Variants in SPRYD7 observed in about 807,000 individuals in gnomAD.
SPRYD7 encodes SPRY domain-containing protein 7.
SPRYD7 carries 14 observed loss-of-function variants against 23.8 expected under a neutral mutation model. The ratio of observed to expected loss-of-function variants is 0.59; its 90% CI spans 0.39 to 0.92. SPRYD7 has a LOEUF of 0.92. Among genes scored for constraint, SPRYD7 ranks in the 40% least tolerant of loss-of-function variants. SPRYD7 has a pLI of 0.00. For missense variants in SPRYD7, 194 were observed against 241.7 expected (o/e 0.80, Z 1.31); for synonymous variants, 75 against 84.9 (o/e 0.88, Z 0.64).
chr13:49,925,844 A>G (rs1386264806), intron 3 of SPRYD7, among the ~76,000 whole-genome samples: 2 of 151,802 alleles, frequency 1.3e-5, no homozygotes, highest in African/African-American at 2.4e-5. Flanking sequence ...GAAAGTGAGC[A>G]TAAACTGTTT....
At chr13:49,935,987 A>C in intron 1 of SPRYD7, 143 bp downstream of exon 1, 1 of 496,292 alleles carries the variant, frequency 2.0e-6, no homozygotes. Flanking sequence ...CGGCTTCTGG[A>C]GAGATCTGCG....
intron 4 of SPRYD7, among the ~76,000 whole-genome samples, chr13:49,919,855 AT>A: frequency 6.6e-6 from 1 of 151,908 alleles, no homozygotes; most frequent in South Asian, 2.1e-4. Context: ...CAAATAAAAC[AT>A]TTATGAATAA....
chr13:49,934,572 A>AG (rs542716882), intron 1 of SPRYD7, among the ~76,000 whole-genome samples: 3,711 of 149,718 alleles, frequency 0.025, 86 homozygotes, highest in South Asian at 0.064. Context: ...AAAAAAAAAA[A>AG]AAAAAGAAAA....
chr13:49,918,403 C>CTTTTTTTTTTTTTTT (rs11436488), intron 4 of SPRYD7, among the ~76,000 whole-genome samples: 1 of 143,048 alleles, frequency 7.0e-6, no homozygotes, highest in African/African-American at 2.6e-5. Context: ...TAAATTAGTT[C>CTTTTTTTTTTTTTTT]TTTTTTTTTT....
At position 49,914,906 on chromosome 13, in the gene SPRYD7, C is replaced by T; in HGVS notation, c.*157G>A. ...ACAAAACATAAAGTATTTTAAATCA[C>T]AACTTCAGGGTGGTATACTGAATAC... On this transcript the variant is annotated 3_prime_UTR_variant, in exon 5 of 5. Coordinates refer to ENST00000361840, the MANE Select transcript of SPRYD7 (RefSeq NM_020456.4). 1 of 382,536 alleles carries T rather than the reference C, an allele frequency of 2.6e-6. No homozygotes were observed. Among genetic ancestry groups the T allele is most frequent in the Non-Finnish European group, 4.8e-6 (1 of 207,182 alleles). The allele number at this position is 382,536 out of a possible 1,614,324, so 23.7% of individuals were successfully genotyped here. A position where few individuals can be genotyped will look rare whatever the true frequency, so the allele number is the denominator to read the frequency against.
At chr13:49,934,376 G>T (rs1290389877) in intron 1 of SPRYD7, among the ~76,000 whole-genome samples, 1 of 151,870 alleles carries the variant, frequency 6.6e-6, no homozygotes, top group African/African-American at 2.4e-5. Context: ...CCAACATGGT[G>T]AAACTCTGTC....
At chr13:49,934,247 T>C (rs1383573193) in intron 1 of SPRYD7, among the ~76,000 whole-genome samples, 1 of 152,158 alleles carries the variant, frequency 6.6e-6, no homozygotes. Flanking sequence ...TTTAAGTTTA[T>C]AGAAAGACAG....
At position 49,933,833 on chromosome 13, in the gene SPRYD7, C is replaced by T. The variant is rs80222579; in HGVS notation, c.106+2297G>A. ...TAAGAAACATAAATTTCCAAATGAG[C>T]GGTGTCCCTTTCAAAGTAGCTGCCT... On this transcript the variant is annotated intron_variant, in intron 1 of 4. Coordinates refer to ENST00000361840, the MANE Select transcript of SPRYD7 (RefSeq NM_020456.4). Among the ~76,000 whole-genome samples, 9 of 151,952 alleles carry T rather than the reference C, an allele frequency of 5.9e-5. No individual in the cohort carries two copies. The East Asian group carries it at 7.8e-4, about 13-fold the overall frequency.
At chr13:49,934,888 C>T (rs1010267624) in intron 1 of SPRYD7, among the ~76,000 whole-genome samples, 5 of 152,128 alleles carry the variant, frequency 3.3e-5, no homozygotes, top group Admixed American at 3.3e-4. Context: ...ATGCCTGCCA[C>T]CTGATAATTG....
At chr13:49,920,876 G>A (rs553381654) in intron 4 of SPRYD7, among the ~76,000 whole-genome samples, 12 of 152,196 alleles carry the variant, frequency 7.9e-5, no homozygotes, top group East Asian at 3.9e-4. Flanking sequence ...CAGGAGAATC[G>A]CTTGAACCCA....
chr13:49,930,343 A>G (rs1955933391), intron 2 of SPRYD7, among the ~76,000 whole-genome samples: 1 of 151,504 alleles, frequency 6.6e-6, no homozygotes, highest in South Asian at 2.1e-4. Flanking sequence ...ACACTTTGGG[A>G]GGCCGACGAG....
rs1053106690 is a variant in SPRYD7, at chr13:49,926,984, G to T, written c.390+935C>A. On this transcript the variant is annotated intron_variant, in intron 3 of 4. Coordinates refer to ENST00000361840, the MANE Select transcript of SPRYD7 (RefSeq NM_020456.4). ...ATTTTCAATGTGCTAGCTTTGTAAA[G>T]AGTTAAATATAGCCAGTTAGGAGTA... 7.9e-5 allele frequency among the ~76,000 whole-genome samples: 12 copies of T among 152,234 alleles called. No individual in the cohort carries two copies. In the South Asian group the frequency reaches 1.9e-3, roughly 24 times the overall value.
chr13:49,935,059 G>A (rs1482330326), intron 1 of SPRYD7, among the ~76,000 whole-genome samples: 1 of 152,132 alleles, frequency 6.6e-6, no homozygotes, highest in Non-Finnish European at 1.5e-5. Context: ...GGAGATCTGA[G>A]AATTAAAAGT....
chr13:49,917,215 T>C (rs1426223679), intron 4 of SPRYD7, among the ~76,000 whole-genome samples: 2 of 152,182 alleles, frequency 1.3e-5, no homozygotes, highest in African/African-American at 4.8e-5. Context: ...GCTATTCTCT[T>C]GCCTCAGCCT....
intron 2 of SPRYD7, among the ~76,000 whole-genome samples, chr13:49,929,283 C>G (rs1955919656): frequency 6.6e-6 from 1 of 152,130 alleles, no homozygotes; most frequent in Non-Finnish European, 1.5e-5. Context: ...GCACTCCAGC[C>G]TGGGTGACAG....
intron 1 of SPRYD7, 34 bp downstream of exon 1, chr13:49,936,096 G>A: frequency 1.3e-6 from 2 of 1,507,286 alleles, no homozygotes; most frequent in South Asian, 1.2e-5. Flanking sequence ...CGGCCCCCGT[G>A]AGCCGTTGGG....
rs969153860 is a variant in SPRYD7 at position 49,930,956 on chromosome 13, C to A, written c.223+62G>T. On this transcript the variant is annotated intron_variant, in intron 2 of 4. Coordinates refer to ENST00000361840, the MANE Select transcript of SPRYD7 (RefSeq NM_020456.4). Reference sequence around the variant, plus strand: ...CCTTCTGAATCTTTTTTATGTGTTACAAATTACTCTTAATATTTAGAACAA... The same window carrying A: ...CCTTCTGAATCTTTTTTATGTGTTAAAAATTACTCTTAATATTTAGAACAA... The A allele has an allele frequency of 5.7e-6, 6 of 1,045,696 alleles. No individual in the cohort carries two copies. The African/African-American group carries it at 6.6e-5, about 11-fold the overall frequency. 64.8% of individuals were successfully genotyped at this position (1,045,696 alleles called of 1,614,324 possible).
intron 4 of SPRYD7, among the ~76,000 whole-genome samples, chr13:49,920,933 C>T (rs944113583): frequency 6.6e-6 from 1 of 152,012 alleles, no homozygotes; most frequent in African/African-American, 2.4e-5. Context: ...TGCACTCCAG[C>T]CTGGGTGACA....
chr13:49,921,293 T>C (rs1257290804), intron 4 of SPRYD7, among the ~76,000 whole-genome samples, 185 bp downstream of exon 4: 1 of 152,172 alleles, frequency 6.6e-6, no homozygotes, highest in Non-Finnish European at 1.5e-5. Context: ...TGCTTCCCCT[T>C]CCGCCATGAT....
Sources: allele counts gnomAD v4.1 joint callset (sites outside exome capture counted in the v4.1 genomes callset), GRCh38; gene constraint gnomAD v4.1.1; transcripts MANE v1.5; gene names NCBI Gene and HGNC (gene_info 2026-07-23, HGNC 2026-07-21).